EDAR: variants seen among roughly 807,000 people sequenced by gnomAD.
EDAR encodes the protein ectodysplasin A receptor, also known as tumor necrosis factor receptor superfamily member EDAR.
EDAR carries 38 observed loss-of-function variants against 51.3 expected under a neutral mutation model. The observed-to-expected ratio is 0.74, with a 90% CI of 0.57 to 0.97. EDAR has a LOEUF of 0.97. Ranked by LOEUF, EDAR falls within the 50% of genes least tolerant of loss-of-function variation. The pLI, the probability that EDAR is intolerant of heterozygous loss-of-function variation, is 0.00. For synonymous variants in EDAR, 227 were observed against 242.1 expected (o/e 0.94, Z 0.58); for missense variants, 528 against 595.0 (o/e 0.89, Z 1.17).
rs1558793513 is a variant in EDAR, at chr2:108,896,996, G to A, written c.1258C>T (p.Arg420Trp). Residue 420 changes from arginine to tryptophan, a missense_variant, in exon 12 of 12, where the codon CGG becomes TGG. Transcript: ENST00000258443. ...ELLTKLVQIE[R>W]LDAVESLCAD... ...CACAAGGACTCCACAGCATCCAGCC[G>A]CTCAATCTGCACCAGTTTTGTGAGT... 6.2e-7 allele frequency: 1 copy of A among 1,613,668 alleles called. No individual in the cohort carries two copies. Among genetic ancestry groups the A allele is most frequent in the Non-Finnish European group, 8.5e-7 (1 of 1,179,828 alleles).
At chr2:108,943,329 T>C (rs1014176344) in intron 1 of EDAR, among the ~76,000 whole-genome samples, 2 of 152,232 alleles carry the variant, frequency 1.3e-5, no homozygotes, top group African/African-American at 4.8e-5. Flanking sequence ...GGAGGCTTTC[T>C]ATCCCTCAGA....
At chr2:108,937,105 G>A (rs1281235668) in intron 1 of EDAR, among the ~76,000 whole-genome samples, 1 of 152,268 alleles carries the variant, frequency 6.6e-6, no homozygotes, top group Non-Finnish European at 1.5e-5. Flanking sequence ...CTGGAGTGGA[G>A]GGTGACGCTG....
At chr2:108,932,422 G>C (rs1036996055) in intron 1 of EDAR, among the ~76,000 whole-genome samples, 1 of 151,368 alleles carries the variant, frequency 6.6e-6, no homozygotes, top group East Asian at 1.9e-4. Flanking sequence ...CCAGCTACTC[G>C]GGAGGCTGAG....
chr2:108,961,369 G>T (rs183710211), intron 1 of EDAR, among the ~76,000 whole-genome samples: 1 of 152,216 alleles, frequency 6.6e-6, no homozygotes, highest in African/African-American at 2.4e-5. Context: ...ACTCACTCAA[G>T]GGCATCTGGC....
chr2:108,901,720 C>A (rs1281873233), intron 11 of EDAR, among the ~76,000 whole-genome samples: 4 of 152,128 alleles, frequency 2.6e-5, no homozygotes, highest in Non-Finnish European at 2.9e-5. Flanking sequence ...TAAACAATTC[C>A]TCAAAAAACA....
At chr2:108,923,126 CT>C (rs1319341184) in intron 5 of EDAR, among the ~76,000 whole-genome samples, 1 of 152,188 alleles carries the variant, frequency 6.6e-6, no homozygotes, top group East Asian at 1.9e-4. Context: ...GGTTAAGTGA[CT>C]TGTCAGGTAG....
intron 1 of EDAR, among the ~76,000 whole-genome samples, chr2:108,958,426 A>C (rs1297150599): frequency 2.0e-5 from 3 of 152,106 alleles, no homozygotes; most frequent in Non-Finnish European, 2.9e-5. Flanking sequence ...AAAACAAAAA[A>C]CAAAAAACAA....
chr2:108,948,522 T>G (rs1315810248), intron 1 of EDAR, among the ~76,000 whole-genome samples: 3 of 152,198 alleles, frequency 2.0e-5, no homozygotes, highest in Non-Finnish European at 4.4e-5. Flanking sequence ...GGAGATTTAA[T>G]TGATTCACAG....
intron 1 of EDAR, among the ~76,000 whole-genome samples, chr2:108,935,123 G>C (rs568324485): frequency 6.6e-6 from 1 of 152,260 alleles, no homozygotes; most frequent in East Asian, 1.9e-4. Context: ...GGCGCTTTAC[G>C]GAAAAGGTCT....
At chr2:108,981,659 A>C (rs1698421999) in intron 1 of EDAR, among the ~76,000 whole-genome samples, 1 of 152,124 alleles carries the variant, frequency 6.6e-6, no homozygotes, top group Admixed American at 6.5e-5. Flanking sequence ...CCCACACCCG[A>C]GATAGTTATG....
intron 1 of EDAR, among the ~76,000 whole-genome samples, chr2:108,970,037 A>G (rs894679963): frequency 8.5e-5 from 13 of 152,204 alleles, no homozygotes; most frequent in Non-Finnish European, 1.3e-4. Flanking sequence ...AGCCTTGGCT[A>G]TCTGGATGAC....
intron 4 of EDAR, among the ~76,000 whole-genome samples, chr2:108,924,335 T>C (rs1038285679): frequency 6.6e-5 from 10 of 152,204 alleles, no homozygotes; most frequent in African/African-American, 1.9e-4. Context: ...CACCCTCTCC[T>C]TGGGGCTCCC....
At chr2:108,904,494 A>G (rs1052381716) in intron 11 of EDAR, among the ~76,000 whole-genome samples, 3 of 152,264 alleles carry the variant, frequency 2.0e-5, no homozygotes, top group African/African-American at 7.2e-5. Flanking sequence ...ACTGATGTCC[A>G]CACAAAAACC....
At chr2:108,975,233 AG>A (rs1176595056) in intron 1 of EDAR, among the ~76,000 whole-genome samples, 1 of 152,200 alleles carries the variant, frequency 6.6e-6, no homozygotes, top group Non-Finnish European at 1.5e-5. Flanking sequence ...ATCTGAACAC[AG>A]GGATAGCAGC....
At chr2:108,950,576 C>T (rs962722997) in intron 1 of EDAR, among the ~76,000 whole-genome samples, 1 of 152,222 alleles carries the variant, frequency 6.6e-6, no homozygotes, top group Non-Finnish European at 1.5e-5. Flanking sequence ...GAAAGCTGGA[C>T]AGTGTGTGAC....
chr2:108,916,556 C>T (rs953038713), intron 5 of EDAR, among the ~76,000 whole-genome samples: 5 of 152,160 alleles, frequency 3.3e-5, no homozygotes, highest in African/African-American at 9.7e-5. Flanking sequence ...TCCTGATCAC[C>T]GGATGGTTCC....
At position 108,897,058 on chromosome 2, in the gene EDAR, T is replaced by G. The variant is rs1315780504; in HGVS notation, c.1196A>C (p.Asp399Ala). The change falls in exon 12 of 12, where the codon GAC becomes GCC. Residue 399 changes from aspartate to alanine, a missense_variant. Transcript: ENST00000258443. ...GGMTDGMQLFDRISTAGYSIP... is the reference protein window; with the variant it reads ...GGMTDGMQLFARISTAGYSIP... ...GCTGTAGCCTGCCGTGCTGATGCGG[T>G]CAAAGAGTTGCATGCCGTCTGTCAT... 1 of 1,614,174 alleles carries G rather than the reference T, an allele frequency of 6.2e-7. No homozygotes were observed. The highest frequency in any genetic ancestry group is 8.5e-7 in the Non-Finnish European group (1 of 1,180,024).
At chr2:108,930,889 C>T (rs968802651) in intron 2 of EDAR, 75 bp downstream of exon 2, 2 of 1,524,490 alleles carry the variant, frequency 1.3e-6, no homozygotes, top group South Asian at 1.1e-5. Context: ...CATTTTACAG[C>T]TGAAGAGGCC....
chr2:108,983,097 C>A (rs148378443), intron 1 of EDAR, among the ~76,000 whole-genome samples: 1 of 152,342 alleles, frequency 6.6e-6, no homozygotes, highest in African/African-American at 2.4e-5. Flanking sequence ...GCTTACAAAT[C>A]CCACTCTAAA....
Sources: allele counts gnomAD v4.1 joint callset (sites outside exome capture counted in the v4.1 genomes callset), GRCh38; gene constraint gnomAD v4.1.1; transcripts MANE v1.5; gene names NCBI Gene and HGNC (gene_info 2026-07-23, HGNC 2026-07-21).